Variants in TIAM1 observed in about 807,000 individuals in gnomAD.
TIAM1 encodes the protein rho guanine nucleotide exchange factor TIAM1.
A neutral mutation model predicts 163.5 loss-of-function variants in TIAM1; 65 were observed. The ratio of observed to expected loss-of-function variants is 0.40; its 90% CI spans 0.33 to 0.49. The LOEUF (loss-of-function observed/expected upper bound fraction) is 0.49. Among genes scored for constraint, TIAM1 ranks in the 20% least tolerant of loss-of-function variants. The probability of loss-of-function intolerance (pLI) is 0.77; values close to 1 mark genes in which losing one functional copy is unlikely to be tolerated. For missense variants in TIAM1, 1,789 were observed against 2,044.7 expected (o/e 0.87, Z 2.41); for synonymous variants, 833 against 810.1 (o/e 1.03, Z -0.48).
intron 4 of TIAM1, among the ~76,000 whole-genome samples, chr21:31,259,483 T>C (rs753900114): frequency 6.6e-6 from 1 of 151,880 alleles, no homozygotes; most frequent in Non-Finnish European, 1.5e-5. Context: ...TAGTGGTCCA[T>C]GCCTGTAGTC....
rs775063212 is a variant in TIAM1 at position 31,182,416 on chromosome 21, C to T, written c.2887+5G>A. The T allele has an allele frequency of 5.1e-6, 8 of 1,556,274 alleles. No homozygotes were observed. Among genetic ancestry groups the T allele is most frequent in the African/African-American group, 1.4e-5 (1 of 73,164 alleles). ...ACTCGCCCCCAGCACCCTGCACAGC[C>T]ATACCTGGGTTGCTGGTGAGAAAGG... On this transcript the variant is annotated splice_donor_5th_base_variant and intron_variant, in intron 15 of 27. Coordinates refer to ENST00000541036, the MANE Select transcript of TIAM1 (RefSeq NM_001353694.2).
upstream of TIAM1, among the ~76,000 whole-genome samples, chr21:31,347,420 G>A (rs78825358): frequency 6.3e-3 from 953 of 152,302 alleles, 6 homozygotes; most frequent in African/African-American, 0.021. Flanking sequence ...CACAACACTA[G>A]TAGACAAGTG....
At chr21:31,269,695 G>A (rs1398474182) in intron 3 of TIAM1, among the ~76,000 whole-genome samples, 4 of 144,068 alleles carry the variant, frequency 2.8e-5, no homozygotes, top group Admixed American at 2.1e-4. Context: ...TTTTTGAGAC[G>A]GAGTCTTGCT....
intron 4 of TIAM1, among the ~76,000 whole-genome samples, chr21:31,259,853 G>A (rs2072354413): frequency 6.6e-6 from 1 of 151,926 alleles, no homozygotes; most frequent in East Asian, 1.9e-4. Flanking sequence ...TGAGACGCTA[G>A]TGTCTTCTGT....
chr21:31,426,756 T>C (rs2043809359), intron 2 of TIAM1, among the ~76,000 whole-genome samples: 1 of 152,004 alleles, frequency 6.6e-6, no homozygotes, highest in South Asian at 2.1e-4. Flanking sequence ...AAAATTAACT[T>C]GAAAGAAAAG....
At chr21:31,447,087 A>G (rs1406635284) in intron 2 of TIAM1, among the ~76,000 whole-genome samples, 1 of 152,074 alleles carries the variant, frequency 6.6e-6, no homozygotes, top group African/African-American at 2.4e-5. Flanking sequence ...GGGTAGGATA[A>G]TAAGAAAGAT....
intron 12 of TIAM1, among the ~76,000 whole-genome samples, chr21:31,195,768 T>C (rs750832408): frequency 6.6e-6 from 1 of 152,116 alleles, no homozygotes; most frequent in Non-Finnish European, 1.5e-5. Flanking sequence ...ACAAATTACG[T>C]AAAGGAGGAT....
At chr21:31,243,079 C>G (rs2071284326) in intron 6 of TIAM1, among the ~76,000 whole-genome samples, 1 of 149,346 alleles carries the variant, frequency 6.7e-6, no homozygotes, top group African/African-American at 2.4e-5. Context: ...GTAATCCCAG[C>G]TGCTTGGGAG....
rs149155487 is a variant in TIAM1 at position 31,455,931 on chromosome 21, A to T, written c.-369+8052T>A. Reference sequence around the variant, plus strand: ...AACTAGATCCTTTTGCTTACAAAGGACATTCCAGGAACAAGGGGAGAAATC... The same window carrying T: ...AACTAGATCCTTTTGCTTACAAAGGTCATTCCAGGAACAAGGGGAGAAATC... On this transcript the variant is annotated intron_variant, in intron 2 of 28. Coordinates refer to the TIAM1 transcript ENST00000286827. 8.9e-4 allele frequency among the ~76,000 whole-genome samples: 135 copies of T among 152,342 alleles called. 1 individual carries two copies. Among genetic ancestry groups the T allele is most frequent in the African/African-American group, 2.8e-3 (117 of 41,584 alleles).
Position 31,245,721 on chromosome 21 carries a change from C to T in TIAM1, c.1412-61G>A, listed in dbSNP as rs56840563. The T allele has an allele frequency of 7.0e-3, 9,180 of 1,313,534 alleles. 529 individuals carry two copies. In the African/African-American group the frequency reaches 0.12, roughly 17 times the overall value. 81.4% of individuals were successfully genotyped at this position (1,313,534 alleles called of 1,614,324 possible). A position where few individuals can be genotyped will look rare whatever the true frequency, so the allele number is the denominator to read the frequency against. On this transcript the variant is annotated intron_variant, in intron 5 of 27. Coordinates refer to ENST00000541036, the MANE Select transcript of TIAM1 (RefSeq NM_001353694.2). The stretch of plus-strand genomic sequence containing the variant: ...AGTGCTTGGGAAACAAAAGAACCCA[C>T]AGTTGAACCTAACATGTGCACCCTG...
intron 13 of TIAM1, among the ~76,000 whole-genome samples, chr21:31,194,096 C>G (rs981160703): frequency 6.6e-6 from 1 of 151,936 alleles, no homozygotes; most frequent in Non-Finnish European, 1.5e-5. Flanking sequence ...TCGGGCACCC[C>G]TCTCTCTCTG....
At chr21:31,552,358 G>A (rs2048721332) in intron 1 of TIAM1, among the ~76,000 whole-genome samples, 1 of 152,098 alleles carries the variant, frequency 6.6e-6, no homozygotes, top group Non-Finnish European at 1.5e-5. Context: ...TATTAAACTA[G>A]ATCATTACTA....
intron 2 of TIAM1, among the ~76,000 whole-genome samples, chr21:31,289,502 A>C (rs1404783562): frequency 6.6e-6 from 1 of 152,164 alleles, no homozygotes; most frequent in Non-Finnish European, 1.5e-5. Context: ...AATTAAGGCA[A>C]AAGTACCACT....
chr21:31,356,060 C>A (rs767585861), intron 2 of TIAM1, among the ~76,000 whole-genome samples: 1 of 152,020 alleles, frequency 6.6e-6, no homozygotes, highest in Non-Finnish European at 1.5e-5. Flanking sequence ...TTCATTACCC[C>A]GAGATGATAA....
chr21:31,550,447 C>A (rs961452107), intron 1 of TIAM1, among the ~76,000 whole-genome samples: 3 of 151,956 alleles, frequency 2.0e-5, no homozygotes, highest in African/African-American at 7.3e-5. Context: ...TCCATGGTGA[C>A]AGAAAGTAGA....
In TIAM1 at chr21:31,210,649, GAA is replaced by G. The variant is rs766098871; in HGVS notation, c.2218-436_2218-435del. Among the ~76,000 whole-genome samples, 46 of 27,648 alleles carry G rather than the reference GAA, an allele frequency of 1.7e-3. 6 individuals are homozygous for G. Among genetic ancestry groups the G allele is most frequent in the African/African-American group, 4.8e-3 (26 of 5,452 alleles). 18.1% of individuals were successfully genotyped at this position (27,648 alleles called of 152,430 possible). ...AGAAAGAAAGAAAGAAAGAAAGAAAGAAAGAAAGAAAGAAAGAAAAAGAAAGA... is the reference window on the plus strand; with the variant it reads ...AGAAAGAAAGAAAGAAAGAAAGAAAGAGAAAGAAAGAAAGAAAAAGAAAGA... On this transcript the variant is annotated intron_variant, in intron 10 of 27. Transcript: ENST00000541036.
intron 2 of TIAM1, among the ~76,000 whole-genome samples, chr21:31,422,640 C>G (rs1483927553): frequency 6.6e-6 from 1 of 152,168 alleles, no homozygotes; most frequent in African/African-American, 2.4e-5. Flanking sequence ...CCCTTGATGC[C>G]TGCGCTCACA....
intron 2 of TIAM1, among the ~76,000 whole-genome samples, chr21:31,426,717 A>C (rs971983523): frequency 3.9e-5 from 6 of 152,086 alleles, no homozygotes; most frequent in African/African-American, 1.4e-4. Flanking sequence ...GTTTTCATGA[A>C]GTCTGGGGTT....
chr21:31,130,994 G>GTTTTC, intron 23 of TIAM1, 46 bp from the exon 24 acceptor site: 1 of 1,561,944 alleles, frequency 6.4e-7, no homozygotes, highest in East Asian at 2.2e-5. Flanking sequence ...CATGTGTAGG[G>GTTTTC]TTTTCCCCTT....
Sources: allele counts gnomAD v4.1 joint callset (sites outside exome capture counted in the v4.1 genomes callset), GRCh38; gene constraint gnomAD v4.1.1; transcripts MANE v1.5; gene names NCBI Gene and HGNC (gene_info 2026-07-23, HGNC 2026-07-21).